The following NUMB variants were observed in gnomAD, a reference collection of about 807,000 sequenced individuals.
NUMB encodes protein numb homolog.
NUMB carries 29 observed loss-of-function variants against 59.7 expected under a neutral mutation model. The ratio of observed to expected loss-of-function variants is 0.49; its 90% CI spans 0.36 to 0.66. The LOEUF (loss-of-function observed/expected upper bound fraction) is 0.66. Among genes scored for constraint, NUMB ranks in the 30% least tolerant of loss-of-function variants. The pLI, the probability that NUMB is intolerant of heterozygous loss-of-function variation, is 0.00. For missense variants in NUMB, 723 were observed against 822.0 expected (o/e 0.88, Z 1.47); for synonymous variants, 288 against 288.2 (o/e 1.00, Z 0.01).
At chr14:73,408,535 CT>C (rs1381201421) in intron 2 of NUMB, among the ~76,000 whole-genome samples, 26 of 152,158 alleles carry the variant, frequency 1.7e-4, no homozygotes, top group African/African-American at 6.0e-4. Context: ...TGTTTATAAA[CT>C]TTTGTCTCTA....
At chr14:73,325,365 G>C (rs773288358) in intron 4 of NUMB, among the ~76,000 whole-genome samples, 4 of 152,070 alleles carry the variant, frequency 2.6e-5, no homozygotes, top group Non-Finnish European at 4.4e-5. Context: ...GAGGCAGAAG[G>C]ATTGCTTAAG....
intron 2 of NUMB, among the ~76,000 whole-genome samples, chr14:73,375,860 C>T (rs1228903591): frequency 6.6e-6 from 1 of 152,158 alleles, no homozygotes; most frequent in African/African-American, 2.4e-5. Flanking sequence ...ATCCAGCATC[C>T]ATTCATGATA....
In NUMB at chr14:73,284,351, C is replaced by G; in HGVS notation, c.679G>C (p.Gly227Arg). The G allele has an allele frequency of 6.2e-7, 1 of 1,613,618 alleles. No homozygotes were observed. The highest frequency in any genetic ancestry group is 8.5e-7 in the Non-Finnish European group (1 of 1,179,672). ...KKAETDKIVV[G>R]SSVAPGNTAP... ...GTGTTGCCAGGGGCAACTGATGAAC[C>G]AACGACTATCTTATCTGTTTCAGCT... Residue 227 changes from glycine (G) to arginine (R), a missense_variant, in exon 10 of 13, where the codon GGT becomes CGT. Coordinates refer to ENST00000555238, the MANE Select transcript of NUMB (RefSeq NM_001005743.2).
chr14:73,411,236 T>C (rs533865057), intron 1 of NUMB, among the ~76,000 whole-genome samples: 5 of 139,834 alleles, frequency 3.6e-5, no homozygotes, highest in Admixed American at 2.8e-4. Context: ...TGGGGGTGGG[T>C]ACAGATGAGG....
At chr14:73,390,425 T>C (rs1222779782) in intron 2 of NUMB, among the ~76,000 whole-genome samples, 1 of 152,082 alleles carries the variant, frequency 6.6e-6, no homozygotes, top group African/African-American at 2.4e-5. Flanking sequence ...AACATTAAAG[T>C]GAGATTTTTG....
intron 1 of NUMB, among the ~76,000 whole-genome samples, chr14:73,438,627 C>T (rs572492407): frequency 3.9e-5 from 5 of 128,834 alleles, no homozygotes; most frequent in Non-Finnish European, 5.0e-5. Flanking sequence ...CAAGACTCTG[C>T]CTCAAAAAAA....
intron 2 of NUMB, among the ~76,000 whole-genome samples, chr14:73,391,301 G>A (rs1212927362): frequency 3.5e-5 from 5 of 141,320 alleles, no homozygotes; most frequent in Non-Finnish European, 7.6e-5. Flanking sequence ...TTTTTTGGAT[G>A]ACTGCATCTC....
intron 10 of NUMB, 117 bp downstream of exon 10, chr14:73,283,964 T>C: frequency 1.0e-6 from 1 of 952,710 alleles, no homozygotes; most frequent in Non-Finnish European, 1.6e-6. Context: ...GATACAACTA[T>C]CAACGAACCT....
intron 2 of NUMB, among the ~76,000 whole-genome samples, chr14:73,376,885 T>G (rs1409825533): frequency 6.6e-6 from 1 of 152,216 alleles, no homozygotes; most frequent in Non-Finnish European, 1.5e-5. Flanking sequence ...GACTCCCATC[T>G]CTATAAATAA....
chr14:73,352,928 T>C lies in NUMB; in HGVS notation c.126+2698A>G, dbSNP rs148626331. On this transcript the variant is annotated intron_variant, in intron 4 of 12. Transcript: ENST00000555238. ...GTAAAATCCACAAGAACAGAAACTA[T>C]GTCTTTTTTGCTTACCACCTAGCAT... Among the ~76,000 whole-genome samples the C allele has an allele frequency of 3.5e-3, 536 of 151,670 alleles. 13 individuals are homozygous for C. Among genetic ancestry groups the C allele is most frequent in the Admixed American group, 0.031 (469 of 15,188 alleles).
intron 2 of NUMB, among the ~76,000 whole-genome samples, chr14:73,389,853 T>C (rs140276907): frequency 4.3e-4 from 65 of 152,282 alleles, no homozygotes; most frequent in Non-Finnish European, 7.1e-4. Flanking sequence ...AATGATACTA[T>C]CAGAAACACA....
Position 73,316,489 on chromosome 14 carries a change from C to T in NUMB, c.202-67G>A, listed in dbSNP as rs1012379362. ...GCCTAAATGTCCCAGAGTTTCACAC[C>T]AATAAGCACATACAGAAATTGGGGA... On this transcript the variant is annotated intron_variant, in intron 5 of 12. Coordinates refer to ENST00000555238, the MANE Select transcript of NUMB (RefSeq NM_001005743.2). 40 of 1,431,956 alleles carry T rather than the reference C, an allele frequency of 2.8e-5. 1 individual carries two copies. In the African/African-American group the frequency reaches 5.6e-4, roughly 20 times the overall value. 88.7% of individuals were successfully genotyped at this position (1,431,956 alleles called of 1,614,324 possible).
At chr14:73,368,931 T>G (rs576114570) in intron 2 of NUMB, among the ~76,000 whole-genome samples, 5 of 152,328 alleles carry the variant, frequency 3.3e-5, no homozygotes, top group Non-Finnish European at 7.4e-5. Flanking sequence ...AAAAACAACT[T>G]AAACTAAAAA....
chr14:73,413,365 G>A (rs8023224), intron 1 of NUMB, among the ~76,000 whole-genome samples: 7,825 of 151,278 alleles, frequency 0.052, 653 homozygotes, highest in African/African-American at 0.18. Context: ...GATTACAGGC[G>A]TGAGCCACTG....
chr14:73,304,039 T>C (rs1445482333), intron 6 of NUMB, among the ~76,000 whole-genome samples: 1 of 152,078 alleles, frequency 6.6e-6, no homozygotes, highest in Non-Finnish European at 1.5e-5. Context: ...CTGAAGAAAA[T>C]AGCAACATAC....
intron 3 of NUMB, among the ~76,000 whole-genome samples, chr14:73,356,727 C>A (rs893831874): frequency 6.6e-6 from 1 of 152,198 alleles, no homozygotes; most frequent in Admixed American, 6.5e-5. Flanking sequence ...CAGTCTCACT[C>A]TGTCACTAAG....
At chr14:73,393,472 G>A (rs1219023826) in intron 2 of NUMB, among the ~76,000 whole-genome samples, 3 of 152,078 alleles carry the variant, frequency 2.0e-5, no homozygotes, top group Admixed American at 1.3e-4. Context: ...GATTTCTAAG[G>A]CTGTATAAAT....
chr14:73,352,477 C>CACACACATATATAT (rs1566756099), intron 4 of NUMB, among the ~76,000 whole-genome samples: 1 of 12,694 alleles, frequency 7.9e-5, no homozygotes, highest in Non-Finnish European at 1.7e-4. Flanking sequence ...CACACACACA[C>CACACACATATATAT]ATATATATAT....
intron 1 of NUMB, among the ~76,000 whole-genome samples, chr14:73,426,464 T>C (rs1358549635): frequency 1.3e-5 from 2 of 152,058 alleles, no homozygotes; most frequent in South Asian, 2.1e-4. Flanking sequence ...CTCAGCAATT[T>C]GGGAGGCCAA....
Sources: gnomAD v4.1 joint callset for allele counts (sites outside exome capture counted in the v4.1 genomes callset) on GRCh38, gnomAD v4.1.1 for gene constraint, MANE v1.5 for transcripts, NCBI Gene and HGNC (gene_info 2026-07-23, HGNC 2026-07-21) for gene names.